Variants in PLXNB2 observed in about 807,000 individuals in gnomAD.
PLXNB2 encodes the protein plexin B2, also known as plexin-B2.
In PLXNB2, 85 loss-of-function variants were observed where a neutral mutation model predicts 202.6. The observed-to-expected ratio is 0.42, with a 90% CI of 0.35 to 0.50. The LOEUF (loss-of-function observed/expected upper bound fraction) is 0.50, where lower values mean the gene tolerates loss of function less well. Among genes scored for constraint, PLXNB2 ranks in the 20% least tolerant of loss-of-function variants. The pLI, the probability that PLXNB2 is intolerant of heterozygous loss-of-function variation, is 0.02. For missense variants in PLXNB2, 2,063 were observed against 2,586.2 expected (o/e 0.80, Z 4.39); for synonymous variants, 1,239 against 1,137.6 (o/e 1.09, Z -1.79).
At chr22:50,283,214 G>A (rs758953884) in intron 16 of PLXNB2, 28 bp from the exon 17 acceptor site, 1 of 1,600,554 alleles carries the variant, frequency 6.2e-7, no homozygotes, top group East Asian at 2.3e-5. Context: ...GCACTCGGGT[G>A]AGGACGGGGC....
intron 1 of PLXNB2, among the ~76,000 whole-genome samples, chr22:50,295,845 T>G (rs2067220998): frequency 6.6e-6 from 1 of 152,184 alleles, no homozygotes; most frequent in Non-Finnish European, 1.5e-5. Context: ...GGCTCACACC[T>G]GTAATCCCAG....
rs1394078414 is a variant in PLXNB2, at chr22:50,297,989, G to A, written c.-73-3211C>T. Among the ~76,000 whole-genome samples the A allele has an allele frequency of 1.3e-5, 2 of 152,076 alleles. No individual in the cohort carries two copies. Among genetic ancestry groups the A allele is most frequent in the East Asian group, 1.9e-4 (1 of 5,192 alleles). ...AGCCCCTGCCCATCCTTTAGACCCCGAGACACCCTCCCTAACCCAGCCCCT... is the reference window on the plus strand; with the variant it reads ...AGCCCCTGCCCATCCTTTAGACCCCAAGACACCCTCCCTAACCCAGCCCCT... On this transcript the variant is annotated intron_variant, in intron 1 of 36. Coordinates refer to ENST00000359337, the MANE Select transcript of PLXNB2 (RefSeq NM_012401.4). The surrounding 1 kb of genome is among the most constrained non-coding windows in gnomAD (Gnocchi z 5.3).
Position 50,289,276 on chromosome 22 carries a change from C to T in PLXNB2, c.1069-134G>A. 2 of 959,574 alleles carry T rather than the reference C, an allele frequency of 2.1e-6. No homozygotes were observed. Among genetic ancestry groups the T allele is most frequent in the Admixed American group, 2.9e-5 (1 of 34,556 alleles). 59.4% of individuals were successfully genotyped at this position (959,574 alleles called of 1,614,324 possible). On this transcript the variant is annotated intron_variant, in intron 3 of 36. Coordinates refer to ENST00000359337, the MANE Select transcript of PLXNB2 (RefSeq NM_012401.4). The surrounding 1 kb of genome is among the most constrained non-coding windows in gnomAD (Gnocchi z 8.0). ...CCTACACACGTCCCCGAGAACAGAA[C>T]CCACATGGCAGGGAGCCCCACCGTG... is the stretch of plus-strand genomic sequence containing the variant.
chr22:50,284,106 C>CCCACCACTGCGCCCGTGG lies in PLXNB2; in HGVS notation c.2263+25_2263+26insCCACGGGCGCAGTGGTGG, dbSNP rs2066238800. 6.2e-7 allele frequency: 1 copy of CCCACCACTGCGCCCGTGG among 1,602,996 alleles called. No individual in the cohort carries two copies. The highest frequency in any genetic ancestry group is 8.5e-7 in the Non-Finnish European group (1 of 1,175,720). ...CTTGTGCCCACCCGTCCCCTGCCCG[C>CCCACCACTGCGCCCGTGG]CCCCCACTGCGCCCGTGGCCCCCAC... is the stretch of plus-strand genomic sequence containing the variant. On this transcript the variant is annotated intron_variant, in intron 13 of 36. Transcript: ENST00000359337. This position sits in a 1 kb window ranked among gnomAD's most constrained non-coding sequence, Gnocchi z 8.0.
chr22:50,290,192 G>A lies in PLXNB2; in HGVS notation c.393C>T (p.Arg131=). Residue 131 remains arginine, a synonymous_variant, in exon 3 of 37, where the codon CGC becomes CGT. Coordinates refer to ENST00000359337, the MANE Select transcript of PLXNB2 (RefSeq NM_012401.4). ...CCCCGCTGCCGTCCTCGTAGAACAG[G>A]CGGAGGGAGATGTTGCTCAGGGCGC... The part of the protein sequence containing the change: ...ALRALSNISL[R]LFYEDGSGEK... 2 of 1,612,660 alleles carry A rather than the reference G, an allele frequency of 1.2e-6. No individual in the cohort carries two copies. The highest frequency in any genetic ancestry group is 8.5e-7 in the Non-Finnish European group (1 of 1,180,010).
chr22:50,287,081 G>T (rs1357371266), intron 8 of PLXNB2, 30 bp downstream of exon 8: 3 of 1,474,276 alleles, frequency 2.0e-6, no homozygotes, highest in Admixed American at 2.4e-5. Context: ...ACCGAGAAGG[G>T]CCACCCGGGG....
Position 50,278,590 on chromosome 22 carries a change from G to A in PLXNB2, c.4647+6C>T, listed in dbSNP as rs752288950. 28 of 1,611,332 alleles carry A rather than the reference G, an allele frequency of 1.7e-5. No homozygotes were observed. The highest frequency in any genetic ancestry group is 3.3e-5 in the Admixed American group (2 of 59,886). On this transcript the variant is annotated splice_donor_region_variant and intron_variant, in intron 29 of 36. Coordinates refer to ENST00000359337, the MANE Select transcript of PLXNB2 (RefSeq NM_012401.4). ...AGTTCTCGCCCGCCCCGGCCTACAC[G>A]CTCACATTGTAGTGCATAAGGGTGT... is the stretch of plus-strand genomic sequence containing the variant.
chr22:50,282,948 T>C, intron 17 of PLXNB2, 67 bp from the exon 18 acceptor site: 2 of 1,558,270 alleles, frequency 1.3e-6, no homozygotes, highest in East Asian at 2.3e-5. Flanking sequence ...CCGACCAGGC[T>C]GGCCCCGCCA....
Position 50,287,254 on chromosome 22 carries a change from G to T in PLXNB2, c.1619C>A (p.Thr540Asn). 14 of 1,520,856 alleles carry T rather than the reference G, an allele frequency of 9.2e-6. No individual in the cohort carries two copies. The highest frequency in any genetic ancestry group is 1.2e-5 in the Non-Finnish European group (14 of 1,130,446). The allele number at this position is 1,520,856 out of a possible 1,614,324, so 94.2% of individuals were successfully genotyped here. The change falls in exon 8 of 37, where the codon ACC (threonine) becomes AAC (asparagine). Residue 540 changes from threonine to asparagine, a missense_variant. Transcript: ENST00000359337. ...GCTCAGGGCAGGGAGGGGGCTGACG[G>T]TCAGCTGCACCTGAGGGAGGGGCCG... ...SRRAQGEVQL[T>N]VSPLPALSEE...
intron 24 of PLXNB2, 30 bp downstream of exon 24, chr22:50,280,714 G>GGCCACC: frequency 3.9e-6 from 6 of 1,528,932 alleles, no homozygotes; most frequent in East Asian, 2.4e-5. Context: ...CCACCTGTGT[G>GGCCACC]CCCTCCCGCC....
At chr22:50,278,295 A>G (rs1364281788) in intron 30 of PLXNB2, 24 bp from the exon 31 acceptor site, 2 of 1,608,490 alleles carry the variant, frequency 1.2e-6, no homozygotes, top group African/African-American at 1.3e-5. Context: ...GCACTGAGGG[A>G]CCCCTACCCA....
rs1357342796 is a variant in PLXNB2, at chr22:50,279,920, T to A, written c.4242+85A>T. On this transcript the variant is annotated intron_variant, in intron 26 of 36. Coordinates refer to ENST00000359337, the MANE Select transcript of PLXNB2 (RefSeq NM_012401.4). The stretch of plus-strand genomic sequence containing the variant: ...TGTCCAGGCAGGGCCCACCTCAAGG[T>A]GCCGTACAGATAGGGGAACGCAGGA... 3 of 1,400,870 alleles carry A rather than the reference T, an allele frequency of 2.1e-6. No homozygotes were observed. The African/African-American group carries it at 4.3e-5, about 20-fold the overall frequency. The allele number at this position is 1,400,870 out of a possible 1,614,324, so 86.8% of individuals were successfully genotyped here. A position where few individuals can be genotyped will look rare whatever the true frequency, so the allele number is the denominator to read the frequency against.
In PLXNB2 at chr22:50,277,956, C is replaced by T. The variant is rs781634312; in HGVS notation, c.4945G>A (p.Ala1649Thr). ...FFQSVLAPGH[A>T]VPPAVKYFFD... ...AAGTACTTGACTGCAGGTGGCACCGCGTGCCCAGGCGCCAGCACGCTCTGG... is the reference window on the plus strand; with the variant it reads ...AAGTACTTGACTGCAGGTGGCACCGTGTGCCCAGGCGCCAGCACGCTCTGG... The change falls in exon 32 of 37, where the codon GCG (alanine) becomes ACG (threonine). Residue 1649 changes from alanine to threonine, a missense_variant. Transcript: ENST00000359337. The T allele has an allele frequency of 8.7e-6, 14 of 1,612,760 alleles. No homozygotes were observed. The East Asian group carries it at 8.9e-5, about 10-fold the overall frequency.
chr22:50,280,154 C>G lies in PLXNB2; in HGVS notation c.4176-83G>C, dbSNP rs556897994. On this transcript the variant is annotated intron_variant, in intron 25 of 36. Transcript: ENST00000359337. ...TGACTCCTCCAAGCACCCGGCCACC[C>G]TTGCGCCAGCCTCGCCCCTGTCCAG... is the stretch of plus-strand genomic sequence containing the variant. The G allele has an allele frequency of 6.4e-5, 75 of 1,166,560 alleles. No homozygotes were observed. The African/African-American group carries it at 9.2e-4, about 14-fold the overall frequency. The allele number at this position is 1,166,560 out of a possible 1,614,324, so 72.3% of individuals were successfully genotyped here. A position where few individuals can be genotyped will look rare whatever the true frequency, so the allele number is the denominator to read the frequency against.
chr22:50,275,515 C>T lies in PLXNB2; in HGVS notation c.*189G>A. 1.5e-6 allele frequency: 1 copy of T among 669,108 alleles called. No homozygotes were observed. The highest frequency in any genetic ancestry group is 2.8e-6 in the Non-Finnish European group (1 of 363,426). 41.4% of individuals were successfully genotyped at this position (669,108 alleles called of 1,614,324 possible). ...GCTGGGGCTGGTGCTGGTGCGGTGC[C>T]CGGCGGTATTGCTCAGAGGAAGATG... On this transcript the variant is annotated 3_prime_UTR_variant, in exon 37 of 37. Transcript: ENST00000359337.
intron 2 of PLXNB2, among the ~76,000 whole-genome samples, chr22:50,290,896 C>G (rs1280953330): frequency 7.9e-5 from 12 of 152,180 alleles, no homozygotes; most frequent in Non-Finnish European, 1.6e-4. Flanking sequence ...AGGCCTATCC[C>G]CGAGGCAAGG....
chr22:50,294,622 G>C (rs2067128242), intron 2 of PLXNB2, 97 bp downstream of exon 2: 1 of 380,360 alleles, frequency 2.6e-6, no homozygotes, highest in African/African-American at 2.2e-5. Flanking sequence ...TGGCTGGACA[G>C]AGCCTTGCAG....
At chr22:50,295,521 T>C (rs1387014504) in intron 1 of PLXNB2, among the ~76,000 whole-genome samples, 2 of 152,310 alleles carry the variant, frequency 1.3e-5, no homozygotes, top group East Asian at 1.9e-4. Flanking sequence ...TGTTACACTG[T>C]AGCATTCAGC....
intron 15 of PLXNB2, 73 bp from the exon 16 acceptor site, chr22:50,283,518 GCCTCC>G: frequency 9.3e-7 from 1 of 1,071,136 alleles, no homozygotes; most frequent in Non-Finnish European, 1.3e-6. Flanking sequence ...CACCCCCTCA[GCCTCC>G]CCACCCACCC....
Sources: allele counts gnomAD v4.1 joint callset (sites outside exome capture counted in the v4.1 genomes callset), GRCh38; gene constraint gnomAD v4.1.1; non-coding constraint Gnocchi (gnomAD v3.1); transcripts MANE v1.5; gene names NCBI Gene and HGNC (gene_info 2026-07-23, HGNC 2026-07-21).